USP47: variants seen among roughly 807,000 people sequenced by gnomAD.
The protein encoded by USP47 is ubiquitin carboxyl-terminal hydrolase 47.
A neutral mutation model predicts 165.1 loss-of-function variants in USP47; 35 were observed. The observed-to-expected ratio is 0.21, with a 90% confidence interval of 0.16 to 0.28. USP47 has a LOEUF of 0.28. Ranked by LOEUF, USP47 falls within the 10% of genes least tolerant of loss-of-function variation. The pLI is 1.00. For missense variants in USP47, 1,277 were observed against 1,607.4 expected, an observed-to-expected ratio of 0.79 and a Z score of 3.52; for synonymous variants, 531 against 544.5, an observed-to-expected ratio of 0.98 and a Z score of 0.35.
At chr11:11,929,612 G>A (rs1319638615) in intron 12 of USP47, 47 bp downstream of exon 12, 1 of 1,596,592 alleles carries the variant, frequency 6.3e-7, no homozygotes, top group Admixed American at 1.7e-5. Context: ...GTGGGAGTAA[G>A]GATGTTTCTA....
At chr11:11,921,042 A>G (rs539750664) in intron 10 of USP47, among the ~76,000 whole-genome samples, 1 of 151,876 alleles carries the variant, frequency 6.6e-6, no homozygotes, top group African/African-American at 2.4e-5. Context: ...CACATGATGT[A>G]ATGCTTATCA....
At chr11:11,930,567 T>G in intron 13 of USP47, 129 bp from the exon 14 acceptor site, 1 of 710,136 alleles carries the variant, frequency 1.4e-6, no homozygotes, top group Non-Finnish European at 2.3e-6. Flanking sequence ...AATCTCAGTG[T>G]GTCTGTGAAC....
chr11:11,944,036 A>G (rs1349471736), intron 20 of USP47, among the ~76,000 whole-genome samples: 1 of 151,792 alleles, frequency 6.6e-6, no homozygotes, highest in African/African-American at 2.4e-5. Context: ...GACTTGTCCA[A>G]AAGTGCATAT....
At chr11:11,926,066 T>G (rs1329371783) in intron 11 of USP47, among the ~76,000 whole-genome samples, 2 of 152,204 alleles carry the variant, frequency 1.3e-5, no homozygotes, top group Non-Finnish European at 2.9e-5. Flanking sequence ...GTATAGTCCT[T>G]TAATGTGTTA....
At chr11:11,907,325 G>GGT (rs1299484884) in intron 8 of USP47, among the ~76,000 whole-genome samples, 3 of 152,126 alleles carry the variant, frequency 2.0e-5, no homozygotes, top group Non-Finnish European at 2.9e-5. Context: ...TATGTGAGCA[G>GGT]GTTTATAACA....
intron 1 of USP47, among the ~76,000 whole-genome samples, chr11:11,857,515 T>C (rs1015851726): frequency 1.3e-5 from 2 of 152,182 alleles, no homozygotes; most frequent in Non-Finnish European, 1.5e-5. Context: ...CTAAGAAAAG[T>C]AGACGTGACA....
In USP47 at chr11:11,955,098, C is replaced by G. The variant is rs1856476317; in HGVS notation, c.3827C>G (p.Pro1276Arg). The G allele has an allele frequency of 6.2e-7, 1 of 1,613,694 alleles. No individual in the cohort carries two copies. Among genetic ancestry groups the G allele is most frequent in the Non-Finnish European group, 8.5e-7 (1 of 1,179,890 alleles). ...LDIHQDLDWN[P>R]KVSTLNVWPL... ...ATTCATCAGGATTTAGACTGGAATC[C>G]TAAAGTTTCTACCCTGAATGTCTGG... Residue 1276 changes from proline to arginine, a missense_variant, in exon 27 of 28, where the codon CCT becomes CGT. By Grantham distance (103) the Pro-to-Arg change is moderately radical. Transcript: ENST00000527733.
rs1306202824 is a variant in USP47 at position 11,854,857 on chromosome 11, G to T, written c.39+12633G>T. Among the ~76,000 whole-genome samples the T allele has an allele frequency of 2.0e-4, 30 of 147,168 alleles. 1 individual carries two copies. The highest frequency in any genetic ancestry group is 4.6e-5 in the Non-Finnish European group (3 of 65,620). On this transcript the variant is annotated intron_variant, in intron 1 of 27. Coordinates refer to ENST00000527733, the MANE Select transcript of USP47 (RefSeq NM_001282659.2). ...GCCTGTAATCCCAGCACTTTGGGAGGCTGAAGCAGGCGGATCACGAGGTCA... is the reference window on the plus strand; with the variant it reads ...GCCTGTAATCCCAGCACTTTGGGAGTCTGAAGCAGGCGGATCACGAGGTCA...
At chr11:11,854,227 T>G (rs1275955631) in intron 1 of USP47, among the ~76,000 whole-genome samples, 1 of 146,588 alleles carries the variant, frequency 6.8e-6, no homozygotes, top group Non-Finnish European at 1.5e-5. Context: ...AATCCTAAAA[T>G]CCTACAGCAC....
At chr11:11,846,356 C>T (rs1848426091) in intron 1 of USP47, among the ~76,000 whole-genome samples, 1 of 152,072 alleles carries the variant, frequency 6.6e-6, no homozygotes, top group African/African-American at 2.4e-5. Flanking sequence ...TTGTTCTTCT[C>T]TCAAGTGTCT....
At position 11,961,747 on chromosome 11, in the gene USP47, G is replaced by T. The variant is rs897285139; in HGVS notation, c.*5572G>T. 6.6e-6 allele frequency among the ~76,000 whole-genome samples: 1 copy of T among 152,196 alleles called. No homozygotes were observed. Among genetic ancestry groups the T allele is most frequent in the Non-Finnish European group, 1.5e-5 (1 of 68,028 alleles). ...TCCCCTTACATTTCCTGGGTCATGG[G>T]GCCAGCCCTAGCTGCTGGAGGGACT... On this transcript the variant is annotated 3_prime_UTR_variant, in exon 28 of 28. Transcript: ENST00000527733.
At chr11:11,844,714 T>C (rs2134104598) in intron 1 of USP47, among the ~76,000 whole-genome samples, 1 of 152,274 alleles carries the variant, frequency 6.6e-6, no homozygotes, top group South Asian at 2.1e-4. Context: ...TTATTATCAA[T>C]AATCTAAAGA....
intron 1 of USP47, among the ~76,000 whole-genome samples, chr11:11,854,274 GTTAT>G (rs1848901943): frequency 6.8e-6 from 1 of 146,554 alleles, no homozygotes; most frequent in African/African-American, 2.4e-5. Flanking sequence ...TTTATTATAA[GTTAT>G]TTGTTATTTC....
rs572182461 is a variant in USP47 at position 11,957,439 on chromosome 11, A to C, written c.*1264A>C. The C allele has an allele frequency of 6.5e-6, 1 of 152,806 alleles. No homozygotes were observed. Among genetic ancestry groups the C allele is most frequent in the African/African-American group, 2.4e-5 (1 of 41,592 alleles). 9.5% of individuals were successfully genotyped at this position (152,806 alleles called of 1,614,324 possible). Reference sequence around the variant, plus strand: ...CCATCTAATTTATAAAAATCAATAAAAAAGGTTTTGGTAAAACTTTTTCAT... The same window carrying C: ...CCATCTAATTTATAAAAATCAATAACAAAGGTTTTGGTAAAACTTTTTCAT... On this transcript the variant is annotated 3_prime_UTR_variant, in exon 28 of 28. Coordinates refer to ENST00000527733, the MANE Select transcript of USP47 (RefSeq NM_001282659.2).
At position 11,952,509 on chromosome 11, in the gene USP47, G is replaced by C. The variant is rs530794575; in HGVS notation, c.3584-232G>C. On this transcript the variant is annotated intron_variant, in intron 24 of 27. Transcript: ENST00000527733. The stretch of plus-strand genomic sequence containing the variant: ...GTTCAACAGGAGTCAGGAGGGAGTG[G>C]AATTAGGAGTACTGGTTTGAAGAAG... 3.0e-5 allele frequency: 9 copies of C among 295,664 alleles called. No individual in the cohort carries two copies. The East Asian group carries it at 5.7e-4, about 19-fold the overall frequency. 18.3% of individuals were successfully genotyped at this position (295,664 alleles called of 1,614,324 possible).
chr11:11,900,350 T>C (rs546489639), intron 5 of USP47, among the ~76,000 whole-genome samples: 74 of 151,908 alleles, frequency 4.9e-4, no homozygotes, highest in East Asian at 1.8e-3. Context: ...TTAGTAGAGA[T>C]GGGGTTTCAC....
intron 11 of USP47, among the ~76,000 whole-genome samples, chr11:11,923,274 C>T (rs1280264991): frequency 6.6e-6 from 1 of 151,376 alleles, no homozygotes; most frequent in Non-Finnish European, 1.5e-5. Flanking sequence ...TCTGAGTTTT[C>T]CTATATAGAA....
At chr11:11,938,424 A>G (rs758988920) in intron 18 of USP47, 52 bp downstream of exon 18, 11 of 1,325,030 alleles carry the variant, frequency 8.3e-6, no homozygotes, top group Non-Finnish European at 1.2e-5. Flanking sequence ...TGCTATGTAC[A>G]AGACACACTA....
In USP47 at chr11:11,938,365, T is replaced by C. The variant is rs1263665971; in HGVS notation, c.2186T>C (p.Ile729Thr). The change falls in exon 18 of 28, where the codon ATT becomes ACT. Residue 729 changes from isoleucine to threonine, a missense_variant. Physicochemically the swap from Ile to Thr is moderately conservative, Grantham distance 89. Coordinates refer to ENST00000527733, the MANE Select transcript of USP47 (RefSeq NM_001282659.2). The stretch of plus-strand genomic sequence containing the variant: ...ACAGTTACAGAATTCAAACAACTGA[T>C]TTCAAAGGTAAGTTTTAAAAGGGGT... The part of the protein sequence containing the change: ...NQTVTEFKQL[I>T]SKAIHLPAET... The C allele has an allele frequency of 6.2e-7, 1 of 1,611,308 alleles. No homozygotes were observed. Among genetic ancestry groups the C allele is most frequent in the African/African-American group, 1.3e-5 (1 of 74,766 alleles).
Sources: allele counts gnomAD v4.1 joint callset (sites outside exome capture counted in the v4.1 genomes callset), GRCh38; gene constraint gnomAD v4.1.1; transcripts MANE v1.5; gene names NCBI Gene and HGNC (gene_info 2026-07-23, HGNC 2026-07-21).